The following DNAI2 variants were observed in gnomAD, a reference collection of about 807,000 sequenced individuals.
DNAI2 encodes dynein axonemal intermediate chain 2, also known as dynein, axonemal, intermediate polypeptide 2.
In DNAI2, 63 loss-of-function variants were observed where a neutral mutation model predicts 74.7. The ratio of observed to expected loss-of-function variants is 0.84; its 90% CI spans 0.69 to 1.04. DNAI2 has a LOEUF of 1.04. Ranked by LOEUF, DNAI2 falls within the 50% of genes least tolerant of loss-of-function variation. DNAI2 has a pLI of 0.00. For missense variants in DNAI2, 688 were observed against 803.2 expected (o/e 0.86, Z 1.73); for synonymous variants, 289 against 314.9 (o/e 0.92, Z 0.87).
intron 11 of DNAI2, 78 bp from the exon 12 acceptor site, chr17:74,311,925 C>T (rs2053549501): frequency 7.1e-7 from 1 of 1,399,356 alleles, no homozygotes; most frequent in East Asian, 2.4e-5. Context: ...CAGCAGAAGC[C>T]CCACCTGGCC....
At chr17:74,288,321 A>C (rs1209102384) in intron 4 of DNAI2, among the ~76,000 whole-genome samples, 1 of 152,248 alleles carries the variant, frequency 6.6e-6, no homozygotes, top group Non-Finnish European at 1.5e-5. Flanking sequence ...CTAAGATGTG[A>C]TGCTGGGTAG....
intron 2 of DNAI2, among the ~76,000 whole-genome samples, chr17:74,284,005 GC>G (rs2051540080): frequency 1.3e-5 from 2 of 152,066 alleles, no homozygotes; most frequent in Non-Finnish European, 2.9e-5. Context: ...GGCCATGATG[GC>G]GAGCACCTGT....
At chr17:74,297,186 T>C (rs2052495053) in intron 6 of DNAI2, among the ~76,000 whole-genome samples, 1 of 151,590 alleles carries the variant, frequency 6.6e-6, no homozygotes, top group Admixed American at 6.6e-5. Flanking sequence ...CCCAGGTTCA[T>C]GCCATTCTCC....
In DNAI2 at chr17:74,300,468, C is replaced by T. The variant is rs190960691; in HGVS notation, c.865-578C>T. Among the ~76,000 whole-genome samples, 17 of 152,230 alleles carry T rather than the reference C, an allele frequency of 1.1e-4. No individual in the cohort carries two copies. The East Asian group carries it at 1.5e-3, about 14-fold the overall frequency. ...CACACTTCACACACTATTCTGTACT[C>T]GATGTTTTCCATTGTGTGTACCTTG... On this transcript the variant is annotated intron_variant, in intron 7 of 13. Coordinates refer to ENST00000311014, the MANE Select transcript of DNAI2 (RefSeq NM_023036.6). This position sits in a 1 kb window ranked among gnomAD's most constrained non-coding sequence, Gnocchi z 4.5.
In DNAI2 at chr17:74,281,876, T is replaced by C; in HGVS notation, c.59T>C (p.Phe20Ser). 6.2e-7 allele frequency: 1 copy of C among 1,614,110 alleles called. No homozygotes were observed. The highest frequency in any genetic ancestry group is 1.6e-4 in the Middle Eastern group (1 of 6,062). ...AGCGAGTTCGGGAAGCAGTGCAATT[T>C]CTCGGACCGCCAGGCCGAGCTGAAC... is the stretch of plus-strand genomic sequence containing the variant. ...KRSEFGKQCN[F>S]SDRQAELNID... Residue 20 changes from phenylalanine to serine, a missense_variant, in exon 2 of 14, where the codon TTC (phenylalanine) becomes TCC (serine). By Grantham distance (155) the Phe-to-Ser change is radical (BLOSUM62 -2). Transcript: ENST00000311014.
At chr17:74,297,425 C>G (rs1286045161) in intron 6 of DNAI2, among the ~76,000 whole-genome samples, 1 of 140,884 alleles carries the variant, frequency 7.1e-6, no homozygotes, top group Admixed American at 7.2e-5. Context: ...GGGTCTTGCT[C>G]TGTCACCCAG....
intron 9 of DNAI2, chr17:74,307,340 T>A: frequency 2.2e-6 from 1 of 455,604 alleles, no homozygotes; most frequent in Non-Finnish European, 4.4e-6. Context: ...GTCCTCCTCC[T>A]GCATAAGGTT....
chr17:74,294,569 G>A (rs776994319), intron 6 of DNAI2, among the ~76,000 whole-genome samples: 15 of 151,956 alleles, frequency 9.9e-5, no homozygotes, highest in Non-Finnish European at 1.5e-4. Context: ...TCCCACCTTG[G>A]CCTCCCAAAG....
At chr17:74,289,533 A>AGGGGG (rs1457621111) in intron 4 of DNAI2, 61 bp from the exon 5 acceptor site, 6 of 1,575,980 alleles carry the variant, frequency 3.8e-6, no homozygotes, top group Non-Finnish European at 5.2e-6. Flanking sequence ...AAAAAAAAAA[A>AGGGGG]AGGGGGAGAA....
chr17:74,291,258 T>G, intron 6 of DNAI2, 125 bp downstream of exon 6: 1 of 714,920 alleles, frequency 1.4e-6, no homozygotes, highest in Non-Finnish European at 2.4e-6. Context: ...CCTCCTGGGT[T>G]CAAGTGATTC....
At chr17:74,284,170 A>G (rs931185072) in intron 2 of DNAI2, among the ~76,000 whole-genome samples, 3 of 150,404 alleles carry the variant, frequency 2.0e-5, no homozygotes, top group African/African-American at 7.3e-5. Flanking sequence ...TAGTGAGTCA[A>G]GATCATGCCA....
intron 7 of DNAI2, 39 bp from the exon 8 acceptor site, chr17:74,301,007 A>T (rs1185787322): frequency 6.2e-7 from 1 of 1,611,708 alleles, no homozygotes; most frequent in African/African-American, 1.3e-5. Flanking sequence ...GGGGAAATAC[A>T]GGGCCTCGAA....
intron 11 of DNAI2, among the ~76,000 whole-genome samples, chr17:74,311,505 T>G (rs1323906454): frequency 6.6e-6 from 1 of 152,154 alleles, no homozygotes; most frequent in African/African-American, 2.4e-5. Context: ...CCCAGCTCCT[T>G]GAGAGGCTGA....
Position 74,309,388 on chromosome 17 carries a change from G to T in DNAI2, c.1347G>T (p.Lys449Asn). The change falls in exon 10 of 14, where the codon AAG becomes AAT. Residue 449 changes from lysine (K) to asparagine (N), a missense_variant and splice_region_variant. Physicochemically the swap from Lys to Asn is moderately conservative, Grantham distance 94. Transcript: ENST00000311014. ...FEQCDPTLSL[K>N]VCDEALFCLR... ...AGTGCGATCCCACCCTCAGCTTGAA[G>T]GTCACGCGCATGTCCCTCCTTGTGC... 6.2e-7 allele frequency: 1 copy of T among 1,614,180 alleles called. No individual in the cohort carries two copies. The highest frequency in any genetic ancestry group is 8.5e-7 in the Non-Finnish European group (1 of 1,180,038).
chr17:74,298,248 C>T (rs1045525399), intron 6 of DNAI2, among the ~76,000 whole-genome samples: 1 of 152,244 alleles, frequency 6.6e-6, no homozygotes, highest in African/African-American at 2.4e-5. Context: ...GTGGGACCTA[C>T]TCTTGAGCAC....
chr17:74,275,713 TG>T lies in DNAI2; in HGVS notation c.-12+1369del, dbSNP rs1305695922. On this transcript the variant is annotated intron_variant, in intron 1 of 13. Coordinates refer to ENST00000311014, the MANE Select transcript of DNAI2 (RefSeq NM_023036.6). ...CTGCACTCCAGCCTAGGTGACAGAC[TG>T]AGACTCCGTCTCAAAAAAAAAAAAA... Among the ~76,000 whole-genome samples the T allele has an allele frequency of 3.3e-5, 5 of 150,326 alleles. No homozygotes were observed. In the East Asian group the frequency reaches 7.8e-4, roughly 24 times the overall value.
chr17:74,309,511 G>A lies in DNAI2; in HGVS notation c.1347+123G>A, dbSNP rs574112157. The A allele has an allele frequency of 1.8e-4, 253 of 1,389,390 alleles. 5 individuals carry two copies. The South Asian group carries it at 2.8e-3, about 16-fold the overall frequency. 86.1% of individuals were successfully genotyped at this position (1,389,390 alleles called of 1,614,324 possible). Reference sequence around the variant, plus strand: ...TGGCCAGGTGTGTTTGGGCCTCTGTGGGGGAGCCGTGTGCAGGCTGACTGC... The same window carrying A: ...TGGCCAGGTGTGTTTGGGCCTCTGTAGGGGAGCCGTGTGCAGGCTGACTGC... On this transcript the variant is annotated intron_variant, in intron 10 of 13. Coordinates refer to ENST00000311014, the MANE Select transcript of DNAI2 (RefSeq NM_023036.6).
chr17:74,277,360 G>A (rs1436051745), intron 1 of DNAI2, among the ~76,000 whole-genome samples: 1 of 144,904 alleles, frequency 6.9e-6, no homozygotes, highest in Non-Finnish European at 1.5e-5. Flanking sequence ...ACTCCAGCCT[G>A]GACGACAGAG....
intron 3 of DNAI2, among the ~76,000 whole-genome samples, chr17:74,286,297 A>AAATAATAATAATAATAAT (rs10637482): frequency 1.4e-4 from 19 of 140,676 alleles, no homozygotes; most frequent in East Asian, 4.3e-4. Context: ...CTGTGTCTCA[A>AAATAATAATAATAATAAT]AATAATAATA....
Sources: allele counts gnomAD v4.1 joint callset (sites outside exome capture counted in the v4.1 genomes callset), GRCh38; gene constraint gnomAD v4.1.1; non-coding constraint Gnocchi (gnomAD v3.1); transcripts MANE v1.5; gene names NCBI Gene and HGNC (gene_info 2026-07-23, HGNC 2026-07-21).